Variants in PKNOX2 observed in about 807,000 individuals in gnomAD.
PKNOX2 encodes homeobox protein PKNOX2.
A neutral mutation model predicts 53.1 loss-of-function variants in PKNOX2; 14 were observed. That is an observed-to-expected ratio of 0.26 (90% CI 0.17 to 0.41). The LOEUF is 0.41. Among genes scored for constraint, PKNOX2 ranks in the 10% least tolerant of loss-of-function variants. The pLI is 1.00. For missense variants in PKNOX2, 496 were observed against 602.8 expected (o/e 0.82, Z 1.85); for synonymous variants, 257 against 242.8 (o/e 1.06, Z -0.54).
intron 7 of PKNOX2, among the ~76,000 whole-genome samples, chr11:125,401,200 A>G (rs1303080877): frequency 2.0e-5 from 3 of 152,138 alleles, no homozygotes; most frequent in Non-Finnish European, 4.4e-5. Flanking sequence ...CAGGCTGAAG[A>G]ATTGGAGGAA....
intron 8 of PKNOX2, 27 bp from the exon 9 acceptor site, chr11:125,410,752 G>A: frequency 1.3e-6 from 2 of 1,582,476 alleles, no homozygotes; most frequent in Non-Finnish European, 1.7e-6. Context: ...CCATGGCAGG[G>A]GACCCCAAAA....
At chr11:125,218,095 TAA>T (rs937773785) in intron 1 of PKNOX2, among the ~76,000 whole-genome samples, 4 of 152,134 alleles carry the variant, frequency 2.6e-5, no homozygotes, top group African/African-American at 9.7e-5. Context: ...AGCTGCTCTT[TAA>T]AGTGATGTGG....
chr11:125,370,361 G>A lies in PKNOX2; in HGVS notation c.227+2376G>A, dbSNP rs1952459119. Among the ~76,000 whole-genome samples the A allele has an allele frequency of 6.6e-6, 1 of 152,186 alleles. No homozygotes were observed. Among genetic ancestry groups the A allele is most frequent in the Admixed American group, 6.5e-5 (1 of 15,280 alleles). ...GTACCCTACCCAGGCCAACCTGCAG[G>A]AGAGGTGGGTCACTGCCCCCATGGG... On this transcript the variant is annotated intron_variant, in intron 5 of 12. Coordinates refer to ENST00000298282, the MANE Select transcript of PKNOX2 (RefSeq NM_001382323.2). The surrounding 1 kb of genome is among the most constrained non-coding windows in gnomAD (Gnocchi z 4.1).
At chr11:125,167,211 G>A (rs867770669) in intron 1 of PKNOX2, among the ~76,000 whole-genome samples, 9 of 141,320 alleles carry the variant, frequency 6.4e-5, no homozygotes, top group Non-Finnish European at 1.6e-5. Context: ...GAGCGGGGGG[G>A]AGGAGGGCAT....
At chr11:125,362,130 A>AG (rs72031599) in intron 4 of PKNOX2, among the ~76,000 whole-genome samples, 1 of 152,080 alleles carries the variant, frequency 6.6e-6, no homozygotes, top group East Asian at 1.9e-4. Flanking sequence ...ACACATGCAG[A>AG]GGGGGGTGAA....
chr11:125,338,392 C>A (rs1254484110), intron 3 of PKNOX2, among the ~76,000 whole-genome samples: 1 of 152,140 alleles, frequency 6.6e-6, no homozygotes, highest in Non-Finnish European at 1.5e-5. Context: ...GACAGCCAGG[C>A]CCTAAACAGA....
intron 3 of PKNOX2, among the ~76,000 whole-genome samples, chr11:125,341,271 G>A (rs1281478413): frequency 6.6e-6 from 1 of 151,258 alleles, no homozygotes; most frequent in Middle Eastern, 3.4e-3. Flanking sequence ...CAGGAGAATC[G>A]CTTGAACCCG....
At chr11:125,296,465 G>T (rs1028774899) in intron 2 of PKNOX2, among the ~76,000 whole-genome samples, 2 of 152,014 alleles carry the variant, frequency 1.3e-5, no homozygotes, top group African/African-American at 2.4e-5. Flanking sequence ...GTCGCCTCAG[G>T]TCTCTATTCA....
intron 2 of PKNOX2, among the ~76,000 whole-genome samples, chr11:125,242,620 A>G (rs937147518): frequency 6.8e-6 from 1 of 147,164 alleles, no homozygotes; most frequent in Admixed American, 6.7e-5. Context: ...AGAGCAGCCC[A>G]GGGGAAATGG....
chr11:125,272,435 G>A (rs1945860702), intron 2 of PKNOX2, among the ~76,000 whole-genome samples: 1 of 152,202 alleles, frequency 6.6e-6, no homozygotes, highest in African/African-American at 2.4e-5. Flanking sequence ...ACAATTGAGA[G>A]GACAGAGATG....
chr11:125,297,682 C>T (rs529171437), intron 2 of PKNOX2, among the ~76,000 whole-genome samples: 1 of 152,294 alleles, frequency 6.6e-6, no homozygotes, highest in South Asian at 2.1e-4. Context: ...GCCAGCCCTT[C>T]GTCATAAACA....
intron 1 of PKNOX2, among the ~76,000 whole-genome samples, chr11:125,233,631 C>T (rs1942420260): frequency 6.6e-6 from 1 of 152,180 alleles, no homozygotes; most frequent in Non-Finnish European, 1.5e-5. Flanking sequence ...CCTCCATGAG[C>T]TATGAGCCTT....
At chr11:125,215,469 A>G (rs1266884291) in intron 1 of PKNOX2, among the ~76,000 whole-genome samples, 1 of 152,034 alleles carries the variant, frequency 6.6e-6, no homozygotes, top group Non-Finnish European at 1.5e-5. Context: ...TGCTATTTCC[A>G]TGCTGGGCGC....
At chr11:125,214,664 A>G (rs1940270997) in intron 1 of PKNOX2, among the ~76,000 whole-genome samples, 1 of 152,048 alleles carries the variant, frequency 6.6e-6, no homozygotes, top group African/African-American at 2.4e-5. Context: ...CATCTGCACC[A>G]TCAATCAGGC....
chr11:125,272,902 A>G (rs1431783077), intron 2 of PKNOX2, among the ~76,000 whole-genome samples: 1 of 152,214 alleles, frequency 6.6e-6, no homozygotes. Flanking sequence ...AGCAGCATTG[A>G]GCACTGACTG....
At chr11:125,274,951 C>G (rs1219068940) in intron 2 of PKNOX2, among the ~76,000 whole-genome samples, 1 of 152,180 alleles carries the variant, frequency 6.6e-6, no homozygotes, top group Non-Finnish European at 1.5e-5. Context: ...CACATCTAGC[C>G]ATAAATCGCT....
intron 1 of PKNOX2, among the ~76,000 whole-genome samples, chr11:125,209,798 G>C (rs658641): frequency 0.26 from 39,532 of 151,748 alleles, 5,737 homozygotes; most frequent in South Asian, 0.37. Flanking sequence ...AAATAGAAAC[G>C]TCAAAAGCAG....
chr11:125,304,825 A>G (rs1451083857), intron 2 of PKNOX2, among the ~76,000 whole-genome samples: 1 of 152,186 alleles, frequency 6.6e-6, no homozygotes, highest in African/African-American at 2.4e-5. Flanking sequence ...TGTCCTGGGT[A>G]TTAGAGATAC....
intron 1 of PKNOX2, among the ~76,000 whole-genome samples, chr11:125,185,477 C>T (rs1014311386): frequency 3.9e-5 from 6 of 152,244 alleles, no homozygotes; most frequent in African/African-American, 1.2e-4. Flanking sequence ...AACATTTTTT[C>T]ACTTCAGACA....
Sources: allele counts gnomAD v4.1 joint callset (sites outside exome capture counted in the v4.1 genomes callset), GRCh38; gene constraint gnomAD v4.1.1; non-coding constraint Gnocchi (gnomAD v3.1); transcripts MANE v1.5; gene names NCBI Gene and HGNC (gene_info 2026-07-23, HGNC 2026-07-21).